The following MMP3 variants were observed in gnomAD, a reference collection of about 807,000 sequenced individuals.
MMP3 encodes stromelysin-1.
MMP3 carries 46 observed loss-of-function variants against 47.3 expected under a neutral mutation model. That is an observed-to-expected ratio of 0.97 (90% CI 0.77 to 1.24). The LOEUF (loss-of-function observed/expected upper bound fraction) is 1.24, where lower values mean the gene tolerates loss of function less well. Ranked by LOEUF, MMP3 falls within the 50% of genes most tolerant of loss-of-function variation. The probability of loss-of-function intolerance (pLI) is 0.00; values close to 1 mark genes in which losing one functional copy is unlikely to be tolerated. For synonymous variants in MMP3, 216 were observed against 206.5 expected, an observed-to-expected ratio of 1.05 and a Z score of -0.39; for missense variants, 558 against 565.5, an observed-to-expected ratio of 0.99 and a Z score of 0.13.
chr11:102,837,312 A>G lies in MMP3; in HGVS notation c.1319T>C (p.Val440Ala). The change falls in exon 9 of 10, where the codon GTT (valine) becomes GCT (alanine). Residue 440 changes from valine to alanine, a missense_variant. By Grantham distance (64) the Val-to-Ala change is moderately conservative (BLOSUM62 0). Transcript: ENST00000299855. The surrounding 1 kb of genome is among the most constrained non-coding windows in gnomAD (Gnocchi z 4.4). ...FPGIDSKIDAVFEEFGFFYFF... is the reference protein window; with the variant it reads ...FPGIDSKIDAAFEEFGFFYFF... ...TATCCTCTTACCAAATTCTTCAAAA[A>G]CAGCATCAATCTTTGAGTCAATCCC... The G allele has an allele frequency of 3.7e-6, 6 of 1,613,734 alleles. No individual in the cohort carries two copies. Among genetic ancestry groups the G allele is most frequent in the Non-Finnish European group, 5.1e-6 (6 of 1,179,762 alleles).
At position 102,840,459 on chromosome 11, in the gene MMP3, C is replaced by A; in HGVS notation, c.760G>T (p.Asp254Tyr). ...TDLTRFRLSQ[D>Y]DINGIQSLYG... ...AGGGACTGAATGCCATTTATATCAT[C>A]TTGAGACAGGCGGAACCGAGTCAGG... Residue 254 changes from aspartate to tyrosine, a missense_variant, in exon 5 of 10, where the codon GAT becomes TAT. By Grantham distance (160) the Asp-to-Tyr change is radical. Transcript: ENST00000299855. The A allele has an allele frequency of 6.2e-7, 1 of 1,614,044 alleles. No individual in the cohort carries two copies. The highest frequency in any genetic ancestry group is 1.1e-5 in the South Asian group (1 of 91,068).
intron 1 of MMP3, 92 bp downstream of exon 1, chr11:102,843,350 T>A (rs1859045014): frequency 2.3e-6 from 2 of 863,542 alleles, no homozygotes; most frequent in Admixed American, 4.0e-5. Flanking sequence ...CACAGTAAGC[T>A]CAAGCATTCT....
At position 102,835,863 on chromosome 11, in the gene MMP3, G is replaced by T; in HGVS notation, c.*263C>A. On this transcript the variant is annotated 3_prime_UTR_variant, in exon 10 of 10. Coordinates refer to ENST00000299855, the MANE Select transcript of MMP3 (RefSeq NM_002422.5). Reference sequence around the variant, plus strand: ...ATAGTCTACACAGATACAGTCACTTGTCTGTTGCACACGAGTGCTTCCCCT... The same window carrying T: ...ATAGTCTACACAGATACAGTCACTTTTCTGTTGCACACGAGTGCTTCCCCT... 1 of 408,020 alleles carries T rather than the reference G, an allele frequency of 2.5e-6. No individual in the cohort carries two copies. The highest frequency in any genetic ancestry group is 4.4e-6 in the Non-Finnish European group (1 of 226,544). The allele number at this position is 408,020 out of a possible 1,614,324, so 25.3% of individuals were successfully genotyped here. A position where few individuals can be genotyped will look rare whatever the true frequency, so the allele number is the denominator to read the frequency against.
chr11:102,841,731 A>G (rs1188003827), intron 4 of MMP3, among the ~76,000 whole-genome samples: 1 of 152,010 alleles, frequency 6.6e-6, no homozygotes, highest in African/African-American at 2.4e-5. Context: ...AAAAAAGAGA[A>G]TCTCAGTTTC....
chr11:102,839,363 A>G, intron 6 of MMP3, 120 bp from the exon 7 acceptor site: 1 of 1,176,026 alleles, frequency 8.5e-7, no homozygotes, highest in Non-Finnish European at 1.2e-6. Flanking sequence ...GCTGGATGAC[A>G]GATAGAAATC....
In MMP3 at chr11:102,836,760, C is replaced by T. The variant is rs1858889685; in HGVS notation, c.1334-534G>A. 2 of 258,216 alleles carry T rather than the reference C, an allele frequency of 7.7e-6. No individual in the cohort carries two copies. Among genetic ancestry groups the T allele is most frequent in the Non-Finnish European group, 1.6e-5 (2 of 128,232 alleles). 16.0% of individuals were successfully genotyped at this position (258,216 alleles called of 1,614,324 possible). ...ACCTTTCAATAAAGATCATCAGCCT[C>T]CACTTCCTTACCTTGAGTAGAAAAC... On this transcript the variant is annotated intron_variant, in intron 9 of 9. Transcript: ENST00000299855. This position sits in a 1 kb window ranked among gnomAD's most constrained non-coding sequence, Gnocchi z 4.6.
chr11:102,842,466 C>A lies in MMP3; in HGVS notation c.464G>T (p.Gly155Val). 1 of 1,527,928 alleles carries A rather than the reference C, an allele frequency of 6.5e-7. No homozygotes were observed. Among genetic ancestry groups the A allele is most frequent in the Non-Finnish European group, 8.8e-7 (1 of 1,131,448 alleles). The allele number at this position is 1,527,928 out of a possible 1,614,324, so 94.6% of individuals were successfully genotyped here. A position where few individuals can be genotyped will look rare whatever the true frequency, so the allele number is the denominator to read the frequency against. Residue 155 changes from glycine (G) to valine (V), a missense_variant, in exon 3 of 10, where the codon GGA (glycine) becomes GTA (valine). By Grantham distance (109) the Gly-to-Val change is moderately radical (BLOSUM62 -3). Coordinates refer to ENST00000299855, the MANE Select transcript of MMP3 (RefSeq NM_002422.5). ...TPLTFSRLYE[G>V]EADIMISFAV... The stretch of plus-strand genomic sequence containing the variant: ...AAAAGAGATCATTATATCAGCCTCT[C>A]CTTCATACAGCCTGGAGAATGTGAG...
At chr11:102,839,632 T>G (rs1858957477) in intron 6 of MMP3, among the ~76,000 whole-genome samples, 1 of 152,192 alleles carries the variant, frequency 6.6e-6, no homozygotes, top group Non-Finnish European at 1.5e-5. Context: ...GTAGAAAGAT[T>G]CTGGAAGGAT....
At position 102,840,514 on chromosome 11, in the gene MMP3, C is replaced by G. The variant is rs782071125; in HGVS notation, c.705G>C (p.Leu235Phe). 6.2e-7 allele frequency: 1 copy of G among 1,613,924 alleles called. No individual in the cohort carries two copies. Among genetic ancestry groups the G allele is most frequent in the Non-Finnish European group, 8.5e-7 (1 of 1,179,994 alleles). The change falls in exon 5 of 10, where the codon TTG (leucine) becomes TTC (phenylalanine). Residue 235 changes from leucine to phenylalanine, a missense_variant. Physicochemically the swap from Leu to Phe is conservative, Grantham distance 22. Transcript: ENST00000299855. ...GLFHSANTEA[L>F]MYPLYHSLTD... The stretch of plus-strand genomic sequence containing the variant: ...TGAGTGAGTGATAGAGTGGGTACAT[C>G]AAAGCTTCAGTGTTGGCTGAGTGAA...
Position 102,837,373 on chromosome 11 carries a change from G to A in MMP3, c.1258C>T (p.Pro420Ser). The A allele has an allele frequency of 2.5e-6, 4 of 1,613,616 alleles. No homozygotes were observed. The highest frequency in any genetic ancestry group is 3.4e-6 in the Non-Finnish European group (4 of 1,179,900). The change falls in exon 9 of 10, where the codon CCA becomes TCA. Residue 420 changes from proline to serine, a missense_variant. Coordinates refer to ENST00000299855, the MANE Select transcript of MMP3 (RefSeq NM_002422.5). The surrounding 1 kb of genome is among the most constrained non-coding windows in gnomAD (Gnocchi z 4.4). ...TCAGCTATTTGCTTGGGAAAGCCTG[G>A]CTCCATGGAATTTCTCTTCTCATCA... ...RFDEKRNSME[P>S]GFPKQIAEDF...
intron 6 of MMP3, among the ~76,000 whole-genome samples, chr11:102,839,832 G>A (rs1484095676): frequency 3.3e-5 from 5 of 152,004 alleles, no homozygotes; most frequent in African/African-American, 9.7e-5. Flanking sequence ...ATTATTATTC[G>A]AAAGATCTAC....
rs3025061 is a variant in MMP3 at position 102,842,944 on chromosome 11, C to T, written c.106-28G>A. 4.0e-3 allele frequency: 6,087 copies of T among 1,540,136 alleles called. 220 individuals carry two copies. The African/African-American group carries it at 0.075, about 19-fold the overall frequency. ...AACAGAATAAGTATAGTTTTTAGGTCACTCTTACAATTTTTACTATAGCTA... is the reference window on the plus strand; with the variant it reads ...AACAGAATAAGTATAGTTTTTAGGTTACTCTTACAATTTTTACTATAGCTA... On this transcript the variant is annotated intron_variant, in intron 1 of 9. Transcript: ENST00000299855.
chr11:102,835,902 A>G lies in MMP3; in HGVS notation c.*224T>C, dbSNP rs1005282394. ...AGTGCTTCCCCTTCTCTTGGGAAAG[A>G]TCACTCTATGTGACAAGGTGCAAGC... On this transcript the variant is annotated 3_prime_UTR_variant, in exon 10 of 10. Transcript: ENST00000299855. 1 of 471,486 alleles carries G rather than the reference A, an allele frequency of 2.1e-6. No individual in the cohort carries two copies. Among genetic ancestry groups the G allele is most frequent in the East Asian group, 3.2e-5 (1 of 31,368 alleles). The allele number at this position is 471,486 out of a possible 1,614,324, so 29.2% of individuals were successfully genotyped here.
At position 102,837,090 on chromosome 11, in the gene MMP3, G is replaced by A. The variant is rs1555004678; in HGVS notation, c.1333+208C>T. On this transcript the variant is annotated intron_variant, in intron 9 of 9. Transcript: ENST00000299855. The surrounding 1 kb of genome is among the most constrained non-coding windows in gnomAD (Gnocchi z 4.4). Reference sequence around the variant, plus strand: ...ATATGCATGTATAAGATAAAGTAGCGAGATTTGTGTAATTATCTTTATGGT... The same window carrying A: ...ATATGCATGTATAAGATAAAGTAGCAAGATTTGTGTAATTATCTTTATGGT... Among the ~76,000 whole-genome samples, 2 of 152,162 alleles carry A rather than the reference G, an allele frequency of 1.3e-5. No homozygotes were observed. Among genetic ancestry groups the A allele is most frequent in the Non-Finnish European group, 2.9e-5 (2 of 68,028 alleles).
chr11:102,843,410 C>T (rs539510897), intron 1 of MMP3, 32 bp downstream of exon 1: 4 of 1,534,708 alleles, frequency 2.6e-6, no homozygotes, highest in Non-Finnish European at 2.7e-6. Context: ...CTGGAAGCTC[C>T]CCACCTGGCC....
At position 102,836,109 on chromosome 11, in the gene MMP3, C is replaced by T. The variant is rs1229251341; in HGVS notation, c.*17G>A. ...CTTCATTTAAAGTGCCCATATTGTG[C>T]CTTCTACATATCTCTTTCAACAATT... is the stretch of plus-strand genomic sequence containing the variant. On this transcript the variant is annotated 3_prime_UTR_variant, in exon 10 of 10. Coordinates refer to ENST00000299855, the MANE Select transcript of MMP3 (RefSeq NM_002422.5). This position sits in a 1 kb window ranked among gnomAD's most constrained non-coding sequence, Gnocchi z 4.6. 19 of 1,576,158 alleles carry T rather than the reference C, an allele frequency of 1.2e-5. No homozygotes were observed. Among genetic ancestry groups the T allele is most frequent in the Non-Finnish European group, 1.7e-5 (19 of 1,147,450 alleles).
At chr11:102,841,413 A>G (rs758833491) in intron 4 of MMP3, among the ~76,000 whole-genome samples, 3 of 152,234 alleles carry the variant, frequency 2.0e-5, no homozygotes, top group Non-Finnish European at 4.4e-5. Flanking sequence ...CAAGAATTCT[A>G]TCCAGGACTA....
intron 7 of MMP3, 142 bp downstream of exon 7, chr11:102,838,968 T>G: frequency 1.1e-6 from 1 of 907,050 alleles, no homozygotes; most frequent in Non-Finnish European, 1.7e-6. Flanking sequence ...ATAAATACAA[T>G]GATATCAGCC....
chr11:102,839,233 G>T lies in MMP3; in HGVS notation c.946C>A (p.Arg316Ser), dbSNP rs147533686. ...ILIFKDRHFW[R>S]KSLRKLEPEL... ...GGTTCAAGCTTCCTGAGGGATTTGC[G>T]CCAAAAGTGCCTAAAATATATGTAA... The change falls in exon 7 of 10, where the codon CGC becomes AGC. Residue 316 changes from arginine (R) to serine (S), a missense_variant. Physicochemically the swap from Arg to Ser is moderately radical, Grantham distance 110 (BLOSUM62 -1). Coordinates refer to ENST00000299855, the MANE Select transcript of MMP3 (RefSeq NM_002422.5). 6.2e-6 allele frequency: 10 copies of T among 1,613,434 alleles called. No homozygotes were observed. The highest frequency in any genetic ancestry group is 4.4e-5 in the South Asian group (4 of 90,910).
Sources: gnomAD v4.1 joint callset for allele counts (sites outside exome capture counted in the v4.1 genomes callset) on GRCh38, gnomAD v4.1.1 for gene constraint, Gnocchi (gnomAD v3.1) non-coding constraint, MANE v1.5 for transcripts, NCBI Gene and HGNC (gene_info 2026-07-23, HGNC 2026-07-21) for gene names.